Variants in FDFT1 observed in about 807,000 individuals in gnomAD.
The protein encoded by FDFT1 is farnesyl-diphosphate farnesyltransferase 1.
Under a neutral mutation model 46.8 loss-of-function variants are expected in FDFT1, and 68 were observed. The observed-to-expected ratio is 1.45, with a 90% CI of 1.19 to 1.78. The LOEUF is 1.78. Among genes scored for constraint, FDFT1 ranks in the 40% most tolerant of loss-of-function variants. The pLI is 0.00. For missense variants in FDFT1, 928 were observed against 524.4 expected, an observed-to-expected ratio of 1.77 and a Z score of -7.52; for synonymous variants, 351 against 185.1, an observed-to-expected ratio of 1.90 and a Z score of -7.28.
chr8:11,811,529 C>A (rs1320445787), intron 3 of FDFT1, among the ~76,000 whole-genome samples: 1 of 152,170 alleles, frequency 6.6e-6, no homozygotes, highest in South Asian at 2.1e-4. Flanking sequence ...TGGGGAATAT[C>A]GCCGTCAGAT....
chr8:11,837,273 C>T (rs903908030), intron 7 of FDFT1, among the ~76,000 whole-genome samples: 11 of 152,358 alleles, frequency 7.2e-5, no homozygotes, highest in African/African-American at 2.6e-4. Flanking sequence ...TTCTGTCATC[C>T]AGGCTGGAGT....
intron 1 of FDFT1, among the ~76,000 whole-genome samples, chr8:11,806,883 G>T (rs1585866743): frequency 6.6e-6 from 1 of 152,160 alleles, no homozygotes; most frequent in Non-Finnish European, 1.5e-5. Context: ...GCCAGACGCT[G>T]AAGTTTACTA....
At chr8:11,831,764 A>G in intron 7 of FDFT1, 94 bp downstream of exon 7, 1 of 1,032,044 alleles carries the variant, frequency 9.7e-7, no homozygotes, top group Non-Finnish European at 1.5e-6. Flanking sequence ...AGATGATCCT[A>G]ACAATTCACT....
chr8:11,820,568 A>T (rs1441034500), intron 3 of FDFT1, among the ~76,000 whole-genome samples: 1 of 152,182 alleles, frequency 6.6e-6, no homozygotes, highest in Non-Finnish European at 1.5e-5. Context: ...CTGAAGCCTC[A>T]GCAATGGCGG....
In FDFT1 at chr8:11,805,356, T is replaced by G. The variant is rs117934885; in HGVS notation, c.99+2425T>G. Among the ~76,000 whole-genome samples the G allele has an allele frequency of 2.8e-3, 433 of 152,338 alleles. 20 individuals are homozygous for G. In the East Asian group the frequency reaches 0.064, roughly 22 times the overall value. On this transcript the variant is annotated intron_variant, in intron 1 of 7. Coordinates refer to ENST00000220584, the MANE Select transcript of FDFT1 (RefSeq NM_004462.5). ...CACTGAATTTTTAGGTGCATATCAG[T>G]AAATCTACGGGCATATGCCGCCTGC...
intron 1 of FDFT1, among the ~76,000 whole-genome samples, chr8:11,807,682 A>G (rs923632305): frequency 6.6e-6 from 1 of 152,234 alleles, no homozygotes; most frequent in African/African-American, 2.4e-5. Flanking sequence ...TTGGAAAAAC[A>G]CAGTCCTTGT....
At chr8:11,832,171 T>C (rs1409673680) in intron 7 of FDFT1, among the ~76,000 whole-genome samples, 1 of 152,208 alleles carries the variant, frequency 6.6e-6, no homozygotes, top group Non-Finnish European at 1.5e-5. Context: ...AAATTTTCTT[T>C]GGAAAATTTC....
chr8:11,822,629 C>T (rs1809422083), intron 4 of FDFT1, among the ~76,000 whole-genome samples: 1 of 152,106 alleles, frequency 6.6e-6, no homozygotes, highest in African/African-American at 2.4e-5. Context: ...GCCTAAGCAA[C>T]ATAGCGAGAC....
intron 6 of FDFT1, among the ~76,000 whole-genome samples, chr8:11,830,693 G>T (rs1810653211): frequency 6.6e-6 from 1 of 152,146 alleles, no homozygotes; most frequent in South Asian, 2.1e-4. Context: ...TTTCCTCACA[G>T]TTAAGTCAAG....
chr8:11,820,965 C>G (rs1262026336), intron 3 of FDFT1, among the ~76,000 whole-genome samples: 1 of 152,198 alleles, frequency 6.6e-6, no homozygotes, highest in Non-Finnish European at 1.5e-5. Context: ...TTGCTGGGAG[C>G]TGTAGACCAG....
rs140157472 is a variant in FDFT1 at position 11,809,864 on chromosome 8, C to T, written c.381+14C>T. 7,446 of 1,600,566 alleles carry T rather than the reference C, an allele frequency of 4.7e-3. 14 individuals are homozygous for T. The highest frequency in any genetic ancestry group is 5.8e-3 in the Non-Finnish European group (6,821 of 1,169,774). ...GACTTCCCAACGGTGAGTGGGGTTA[C>T]GCATCTTGTCTACGGACTGTTGTGT... On this transcript the variant is annotated intron_variant, in intron 3 of 7. Coordinates refer to ENST00000220584, the MANE Select transcript of FDFT1 (RefSeq NM_004462.5).
intron 1 of FDFT1, among the ~76,000 whole-genome samples, chr8:11,805,075 A>G (rs554185215): frequency 2.8e-5 from 3 of 106,220 alleles, no homozygotes; most frequent in African/African-American, 6.4e-5. Context: ...TCACCAATGC[A>G]TGGCTAATTT....
intron 1 of FDFT1, 142 bp from the exon 2 acceptor site, chr8:11,808,652 G>C: frequency 7.0e-7 from 1 of 1,429,540 alleles, no homozygotes; most frequent in Non-Finnish European, 9.1e-7. Flanking sequence ...CTGCCGCCTG[G>C]CCCTGCAAGG....
intron 4 of FDFT1, among the ~76,000 whole-genome samples, chr8:11,823,383 T>C (rs1809525876): frequency 6.6e-6 from 1 of 152,240 alleles, no homozygotes; most frequent in Non-Finnish European, 1.5e-5. Context: ...TATACTAATT[T>C]TTTTTTAAAT....
chr8:11,831,432 C>T (rs1810771038), intron 6 of FDFT1, 86 bp from the exon 7 acceptor site: 34 of 1,236,344 alleles, frequency 2.8e-5, no homozygotes, highest in Non-Finnish European at 4.0e-5. Flanking sequence ...ATTGCCCATT[C>T]AACAGAAGGT....
rs1265077747 is a variant in FDFT1 at position 11,838,750 on chromosome 8, G to A, written c.*141G>A. On this transcript the variant is annotated 3_prime_UTR_variant, in exon 8 of 8. Transcript: ENST00000220584. ...CTGTGTGGCTGGGACCTTTAGGAAA[G>A]TGAAATGCAGGTGAGAAGAACCTAA... The A allele has an allele frequency of 1.4e-6, 1 of 706,052 alleles. No homozygotes were observed. The highest frequency in any genetic ancestry group is 2.4e-6 in the Non-Finnish European group (1 of 410,360). The allele number at this position is 706,052 out of a possible 1,614,324, so 43.7% of individuals were successfully genotyped here. A position where few individuals can be genotyped will look rare whatever the true frequency, so the allele number is the denominator to read the frequency against.
chr8:11,800,690 T>G (rs973490176), upstream of FDFT1, among the ~76,000 whole-genome samples: 23 of 152,218 alleles, frequency 1.5e-4, no homozygotes, highest in African/African-American at 5.5e-4. Context: ...GAACATGAAG[T>G]ACATTGATTT....
intron 7 of FDFT1, among the ~76,000 whole-genome samples, chr8:11,833,830 T>A (rs2130893093): frequency 6.6e-6 from 1 of 152,364 alleles, no homozygotes; most frequent in South Asian, 2.1e-4. Flanking sequence ...GTATCAGTTG[T>A]TCTGTTATCC....
upstream of FDFT1, chr8:11,802,551 A>T (rs1806253315): frequency 2.0e-5 from 12 of 585,814 alleles, no homozygotes; most frequent in South Asian, 1.8e-4. Flanking sequence ...GAGTGTTATC[A>T]CGCCAGTCTC....
Sources: gnomAD v4.1 joint callset for allele counts (sites outside exome capture counted in the v4.1 genomes callset) on GRCh38, gnomAD v4.1.1 for gene constraint, MANE v1.5 for transcripts, NCBI Gene and HGNC (gene_info 2026-07-23, HGNC 2026-07-21) for gene names.